The following UHRF2 variants were observed in gnomAD, a reference collection of about 807,000 sequenced individuals.
UHRF2 encodes the protein E3 ubiquitin-protein ligase UHRF2.
A neutral mutation model predicts 96.8 loss-of-function variants in UHRF2; 23 were observed. The ratio of observed to expected loss-of-function variants is 0.24; its 90% confidence interval spans 0.17 to 0.34. The LOEUF (loss-of-function observed/expected upper bound fraction) is 0.34. Ranked by LOEUF, UHRF2 falls within the 10% of genes least tolerant of loss-of-function variation. The pLI is 1.00. For synonymous variants in UHRF2, 385 were observed against 332.6 expected, an observed-to-expected ratio of 1.16 and a Z score of -1.72; for missense variants, 685 against 981.5, an observed-to-expected ratio of 0.70 and a Z score of 4.04.
intron 4 of UHRF2, among the ~76,000 whole-genome samples, chr9:6,469,865 T>C (rs1321872602): frequency 6.6e-6 from 1 of 151,848 alleles, no homozygotes; most frequent in Non-Finnish European, 1.5e-5. Context: ...GAAAATATAG[T>C]AGCCCAAAAT....
At chr9:6,488,252 A>T (rs1449412232) in intron 9 of UHRF2, among the ~76,000 whole-genome samples, 93 of 4,420 alleles carry the variant, frequency 0.021, no homozygotes, top group Non-Finnish European at 0.065. Flanking sequence ...CTGTCTCCTT[A>T]AAAAAAAAAA....
Position 6,475,449 on chromosome 9 carries a change from A to T in UHRF2, c.922A>T (p.Ile308Phe). 6.3e-7 allele frequency: 1 copy of T among 1,593,020 alleles called. No homozygotes were observed. Among genetic ancestry groups the T allele is most frequent in the Non-Finnish European group, 8.6e-7 (1 of 1,168,932 alleles). The change falls in exon 5 of 16, where the codon ATT (isoleucine) becomes TTT (phenylalanine). Residue 308 changes from isoleucine to phenylalanine, a missense_variant. Around this residue, in one of 6 missense-constraint regions of UHRF2, gnomAD observed 391 missense variants for 437.0 expected, o/e 0.89. Transcript: ENST00000276893. ...KIISVDEIFK[I>F]ERPGAHPLSF... ...AATATCTGTAGATGAAATCTTCAAG[A>T]TTGAGAGACCTGGAGCCCATCCCCT... is the stretch of plus-strand genomic sequence containing the variant.
intron 4 of UHRF2, among the ~76,000 whole-genome samples, chr9:6,469,631 T>C (rs1336500655): frequency 1.4e-5 from 2 of 146,074 alleles, no homozygotes; most frequent in African/African-American, 5.2e-5. Context: ...TGTACAAGAG[T>C]GTTAGACACA....
chr9:6,444,673 C>T lies in UHRF2; in HGVS notation c.644+10500C>T, dbSNP rs183037891. Reference sequence around the variant, plus strand: ...CTGGAGTACAATGGCATAATCTCAGCTCACTGCAACCTCCCCCTCCAGGGT... The same window carrying T: ...CTGGAGTACAATGGCATAATCTCAGTTCACTGCAACCTCCCCCTCCAGGGT... On this transcript the variant is annotated intron_variant, in intron 3 of 15. Transcript: ENST00000276893. Among the ~76,000 whole-genome samples the T allele has an allele frequency of 9.0e-3, 1,367 of 152,268 alleles. 14 individuals carry two copies. The highest frequency in any genetic ancestry group is 0.015 in the Non-Finnish European group (1,035 of 68,012).
At chr9:6,435,949 G>C (rs1237623732) in intron 3 of UHRF2, among the ~76,000 whole-genome samples, 1 of 152,160 alleles carries the variant, frequency 6.6e-6, no homozygotes, top group African/African-American at 2.4e-5. Flanking sequence ...GTGGTATTAA[G>C]AACTTGTCTT....
intron 9 of UHRF2, 127 bp from the exon 10 acceptor site, chr9:6,493,699 T>A (rs929562567): frequency 5.4e-6 from 4 of 745,508 alleles, no homozygotes; most frequent in Non-Finnish European, 8.5e-6. Flanking sequence ...TTGCATTATT[T>A]TGGGAGATGC....
chr9:6,460,201 G>C (rs1822448191), intron 3 of UHRF2, among the ~76,000 whole-genome samples: 1 of 152,202 alleles, frequency 6.6e-6, no homozygotes, highest in South Asian at 2.1e-4. Context: ...ATACGTGACT[G>C]AATAGATACA....
intron 3 of UHRF2, among the ~76,000 whole-genome samples, chr9:6,441,448 G>A (rs1303515081): frequency 6.6e-6 from 1 of 151,958 alleles, no homozygotes; most frequent in East Asian, 1.9e-4. Flanking sequence ...CTCACTCCAG[G>A]CATATGATGA....
chr9:6,439,041 T>G (rs1471471993), intron 3 of UHRF2, among the ~76,000 whole-genome samples: 1 of 152,222 alleles, frequency 6.6e-6, no homozygotes, highest in Non-Finnish European at 1.5e-5. Flanking sequence ...ATCTCCACTA[T>G]TCCTTCAAAA....
At chr9:6,457,775 G>T (rs1337679857) in intron 3 of UHRF2, among the ~76,000 whole-genome samples, 3 of 152,154 alleles carry the variant, frequency 2.0e-5, no homozygotes, top group African/African-American at 7.2e-5. Flanking sequence ...TGTGGTTTTT[G>T]TCATTAGTTC....
At chr9:6,474,218 C>T (rs1271689195) in intron 4 of UHRF2, among the ~76,000 whole-genome samples, 1 of 152,064 alleles carries the variant, frequency 6.6e-6, no homozygotes, top group Non-Finnish European at 1.5e-5. Context: ...TGCATTTATG[C>T]AGTTTTTTGC....
At chr9:6,454,387 AT>A (rs1822059904) in intron 3 of UHRF2, among the ~76,000 whole-genome samples, 2 of 152,234 alleles carry the variant, frequency 1.3e-5, no homozygotes, top group Admixed American at 1.3e-4. Context: ...TGGCAGGGAC[AT>A]TTAGGCTAAG....
At chr9:6,442,477 GTTTGTTT>G (rs1563759229) in intron 3 of UHRF2, among the ~76,000 whole-genome samples, 1 of 11,882 alleles carries the variant, frequency 8.4e-5, no homozygotes, top group Non-Finnish European at 1.1e-3. Context: ...GTTTTGTTTT[GTTTGTTT>G]TGTTTTGTTT....
chr9:6,421,578 G>A (rs182660187), intron 2 of UHRF2, among the ~76,000 whole-genome samples: 10 of 152,058 alleles, frequency 6.6e-5, no homozygotes, highest in Non-Finnish European at 1.5e-4. Flanking sequence ...CACCACGCCC[G>A]GCTAATTTTT....
intron 2 of UHRF2, among the ~76,000 whole-genome samples, chr9:6,432,950 C>T (rs918124631): frequency 6.6e-6 from 1 of 152,086 alleles, no homozygotes; most frequent in Admixed American, 6.6e-5. Flanking sequence ...AAGTGATTCT[C>T]CTGCCTTAGC....
At chr9:6,493,556 T>C (rs1824796992) in intron 9 of UHRF2, among the ~76,000 whole-genome samples, 1 of 152,204 alleles carries the variant, frequency 6.6e-6, no homozygotes, top group Non-Finnish European at 1.5e-5. Context: ...TAACATTCTG[T>C]TGATTATTTT....
At chr9:6,490,255 G>A (rs979084529) in intron 9 of UHRF2, among the ~76,000 whole-genome samples, 1 of 152,198 alleles carries the variant, frequency 6.6e-6, no homozygotes, top group South Asian at 2.1e-4. Context: ...TGGAGAAGAT[G>A]ATTACATTAA....
intron 3 of UHRF2, among the ~76,000 whole-genome samples, chr9:6,454,459 G>A (rs1822063935): frequency 6.6e-6 from 1 of 152,278 alleles, no homozygotes; most frequent in South Asian, 2.1e-4. Context: ...CATAGAATGA[G>A]TTCCAAAAGC....
chr9:6,454,906 C>G (rs1202914053), intron 3 of UHRF2, among the ~76,000 whole-genome samples: 1 of 152,160 alleles, frequency 6.6e-6, no homozygotes, highest in Non-Finnish European at 1.5e-5. Context: ...ATGTAGATTG[C>G]TGGACCTCAT....
Sources: gnomAD v4.1 joint callset for allele counts (sites outside exome capture counted in the v4.1 genomes callset) on GRCh38, gnomAD v4.1.1 for gene constraint, gnomAD v4.1.1 regional missense constraint, MANE v1.5 for transcripts, NCBI Gene and HGNC (gene_info 2026-07-23, HGNC 2026-07-21) for gene names.